LUZP2: variants seen among roughly 807,000 people sequenced by gnomAD.
The protein encoded by LUZP2 is leucine zipper protein 2.
Under a neutral mutation model 51.6 loss-of-function variants are expected in LUZP2, and 52 were observed. That is an observed-to-expected ratio of 1.01 (90% confidence interval 0.81 to 1.27). LUZP2 has a LOEUF of 1.27. LUZP2 is among the 50% of genes most tolerant of loss of function. LUZP2 has a pLI of 0.00. For missense variants in LUZP2, 436 were observed against 395.4 expected (o/e 1.10, Z -0.87); for synonymous variants, 154 against 137.3 (o/e 1.12, Z -0.85).
chr11:24,727,596 A>C (rs1035404408), intron 1 of LUZP2, among the ~76,000 whole-genome samples: 13 of 152,068 alleles, frequency 8.5e-5, no homozygotes, highest in African/African-American at 3.1e-4. Flanking sequence ...CAGGAGAAAC[A>C]AATTGGGGCA....
chr11:24,936,937 T>C (rs1209246367), intron 7 of LUZP2, among the ~76,000 whole-genome samples: 5 of 152,160 alleles, frequency 3.3e-5, no homozygotes, highest in African/African-American at 7.2e-5. Flanking sequence ...TGTGTAAAAC[T>C]TCATTAAGGT....
chr11:24,870,721 C>T (rs943569788), intron 5 of LUZP2, among the ~76,000 whole-genome samples: 1 of 152,154 alleles, frequency 6.6e-6, no homozygotes, highest in East Asian at 1.9e-4. Context: ...CTGCCACAGA[C>T]TATTACTTAT....
At chr11:24,895,022 T>G (rs1018114900) in intron 5 of LUZP2, among the ~76,000 whole-genome samples, 3 of 152,134 alleles carry the variant, frequency 2.0e-5, no homozygotes, top group Non-Finnish European at 4.4e-5. Context: ...TTACAGCAAA[T>G]TTTTTATATA....
At position 24,849,534 on chromosome 11, in the gene LUZP2, G is replaced by A. The variant is rs189040451; in HGVS notation, c.397-56457G>A. Among the ~76,000 whole-genome samples, 549 of 152,158 alleles carry A rather than the reference G, an allele frequency of 3.6e-3. 2 individuals are homozygous for A. The highest frequency in any genetic ancestry group is 0.012 in the African/African-American group (502 of 41,522). On this transcript the variant is annotated intron_variant, in intron 5 of 11. Coordinates refer to ENST00000336930, the MANE Select transcript of LUZP2 (RefSeq NM_001009909.4). Reference sequence around the variant, plus strand: ...TTTCTTCATAGTCTATCATTCATGGGCATTTGGGTTGGTTCCAAGTCTGCT... The same window carrying A: ...TTTCTTCATAGTCTATCATTCATGGACATTTGGGTTGGTTCCAAGTCTGCT...
intron 5 of LUZP2, among the ~76,000 whole-genome samples, chr11:24,884,731 T>C (rs976005114): frequency 6.6e-6 from 1 of 151,992 alleles, no homozygotes; most frequent in Non-Finnish European, 1.5e-5. Flanking sequence ...GCCCAACTCC[T>C]TTACACATCT....
intron 10 of LUZP2, among the ~76,000 whole-genome samples, chr11:25,074,896 A>G (rs1026219366): frequency 6.6e-6 from 1 of 152,166 alleles, no homozygotes; most frequent in African/African-American, 2.4e-5. Context: ...CAATAAATAC[A>G]ACTGTTTAAT....
At chr11:24,878,779 C>A (rs938986475) in intron 5 of LUZP2, among the ~76,000 whole-genome samples, 1 of 151,778 alleles carries the variant, frequency 6.6e-6, no homozygotes. Context: ...TTGCCCCCCA[C>A]ACCCTAACAG....
At position 24,785,978 on chromosome 11, in the gene LUZP2, A is replaced by T. The variant is rs1180568888; in HGVS notation, c.396+22670A>T. The T allele has an allele frequency of 4.1e-6, 4 of 985,334 alleles. No individual in the cohort carries two copies. The African/African-American group carries it at 7.0e-5, about 17-fold the overall frequency. 61.0% of individuals were successfully genotyped at this position (985,334 alleles called of 1,614,324 possible). A position where few individuals can be genotyped will look rare whatever the true frequency, so the allele number is the denominator to read the frequency against. The stretch of plus-strand genomic sequence containing the variant: ...AATGTAATTATTTGAGTTTGGACTT[A>T]CAAGCTTCACATTTGACCCTTCAAG... On this transcript the variant is annotated intron_variant, in intron 5 of 11. Coordinates refer to ENST00000336930, the MANE Select transcript of LUZP2 (RefSeq NM_001009909.4).
intron 1 of LUZP2, among the ~76,000 whole-genome samples, chr11:24,701,090 C>T (rs1857407498): frequency 6.6e-6 from 1 of 152,132 alleles, no homozygotes. Flanking sequence ...TACAGAAATA[C>T]CAAAGGCTGG....
chr11:25,023,619 A>T (rs1857404161), intron 9 of LUZP2, among the ~76,000 whole-genome samples: 3 of 151,784 alleles, frequency 2.0e-5, no homozygotes, highest in Non-Finnish European at 4.4e-5. Context: ...AGGGTTTTTT[A>T]TGTCTCTATC....
chr11:24,596,912 T>G (rs969924066), intron 1 of LUZP2, among the ~76,000 whole-genome samples: 1 of 152,172 alleles, frequency 6.6e-6, no homozygotes, highest in Non-Finnish European at 1.5e-5. Flanking sequence ...AATTTTTAAA[T>G]CTCTGTTTTT....
chr11:24,791,000 C>G (rs1163410117), intron 5 of LUZP2, among the ~76,000 whole-genome samples: 1 of 152,148 alleles, frequency 6.6e-6, no homozygotes, highest in Non-Finnish European at 1.5e-5. Context: ...TCAGACCACT[C>G]CAGATATGTA....
intron 1 of LUZP2, among the ~76,000 whole-genome samples, chr11:24,533,848 A>C (rs994851078): frequency 1.5e-4 from 22 of 151,358 alleles, no homozygotes; most frequent in Admixed American, 1.4e-3. Context: ...ATTAGGGTAT[A>C]TTAAATAATA....
intron 5 of LUZP2, among the ~76,000 whole-genome samples, chr11:24,766,869 C>A (rs116766806): frequency 2.0e-5 from 3 of 152,124 alleles, no homozygotes; most frequent in Non-Finnish European, 2.9e-5. Context: ...TCAAGTGATA[C>A]CCCTGGCTCA....
rs58368050 is a variant in LUZP2, at chr11:24,715,263, ATGTGTGTGTGTGTGTGTG to A, written c.63-13879_63-13862del. Among the ~76,000 whole-genome samples the A allele has an allele frequency of 3.6e-4, 48 of 133,988 alleles. No individual in the cohort carries two copies. In the South Asian group the frequency reaches 5.9e-3, roughly 16 times the overall value. 87.9% of individuals were successfully genotyped at this position (133,988 alleles called of 152,430 possible). ...ATGGTATCCAATTCAAGGAGCAACT[ATGTGTGTGTGTGTGTGTG>A]TGTGTGTGTGTGTGTGTGTGTGTGT... On this transcript the variant is annotated intron_variant, in intron 1 of 11. Coordinates refer to ENST00000336930, the MANE Select transcript of LUZP2 (RefSeq NM_001009909.4).
chr11:25,012,845 C>G (rs758078276), intron 9 of LUZP2, among the ~76,000 whole-genome samples: 8 of 152,100 alleles, frequency 5.3e-5, no homozygotes, highest in Non-Finnish European at 8.8e-5. Flanking sequence ...TAGAACTACC[C>G]TTCAATATAG....
intron 1 of LUZP2, among the ~76,000 whole-genome samples, chr11:24,582,569 A>G (rs866287558): frequency 6.6e-6 from 1 of 152,070 alleles, no homozygotes; most frequent in Non-Finnish European, 1.5e-5. Context: ...AATATATCTC[A>G]AGTTTTTTCA....
intron 5 of LUZP2, among the ~76,000 whole-genome samples, chr11:24,827,301 C>A (rs928573979): frequency 6.6e-6 from 1 of 152,128 alleles, no homozygotes; most frequent in African/African-American, 2.4e-5. Flanking sequence ...CATATTTCTG[C>A]TTTCTTCAGG....
intron 5 of LUZP2, among the ~76,000 whole-genome samples, chr11:24,791,986 A>G (rs1849422190): frequency 6.7e-6 from 1 of 148,754 alleles, no homozygotes; most frequent in South Asian, 2.1e-4. Context: ...CAATCCAAAT[A>G]GCAGCTTTTT....
Sources: gnomAD v4.1 joint callset for allele counts (sites outside exome capture counted in the v4.1 genomes callset) on GRCh38, gnomAD v4.1.1 for gene constraint, MANE v1.5 for transcripts, NCBI Gene and HGNC (gene_info 2026-07-23, HGNC 2026-07-21) for gene names.